Variants in BNIP5 observed in about 807,000 individuals in gnomAD.
The protein encoded by BNIP5 is BCL2 interacting protein 5.
BNIP5 carries 61 observed loss-of-function variants against 67.3 expected under a neutral mutation model. The ratio of observed to expected loss-of-function variants is 0.91; its 90% CI spans 0.74 to 1.12. The LOEUF (loss-of-function observed/expected upper bound fraction) is 1.12, where lower values mean the gene tolerates loss of function less well. BNIP5 is among the 50% of genes most tolerant of loss of function. BNIP5 has a pLI of 0.00. For missense variants in BNIP5, 826 were observed against 816.3 expected (o/e 1.01, Z -0.14); for synonymous variants, 317 against 319.0 (o/e 0.99, Z 0.07).
Position 36,330,430 on chromosome 6 carries a change from G to T in BNIP5, c.261C>A (p.Ser87Arg), listed in dbSNP as rs143595135. The change falls in exon 2 of 12, where the codon AGC becomes AGA. Residue 87 changes from serine to arginine, a missense_variant. Physicochemically the swap from Ser to Arg is moderately radical, Grantham distance 110 (BLOSUM62 -1). Coordinates refer to ENST00000437635, the MANE Select transcript of BNIP5 (RefSeq NM_001010903.5). ...TGGTGTCTTGCGAAGGCCTCTGCTC[G>T]CTGGGGAGAAAATCTCCGGTCTCCT... ...TPEETGDFLP[S>R]EQRPSQDTKK... The T allele has an allele frequency of 1.9e-6, 3 of 1,614,146 alleles. No individual in the cohort carries two copies. The highest frequency in any genetic ancestry group is 2.2e-5 in the East Asian group (1 of 44,878).
In BNIP5 at chr6:36,330,467, GC is replaced by G. The variant is rs756660393; in HGVS notation, c.223del (p.Ala75ProfsTer26). 4 of 1,614,204 alleles carry G rather than the reference GC, an allele frequency of 2.5e-6. No individual in the cohort carries two copies. The African/African-American group carries it at 5.3e-5, about 22-fold the overall frequency. On this transcript the variant is annotated frameshift_variant, in exon 2 of 12. Transcript: ENST00000437635. LOFTEE classifies it high-confidence loss of function. Reference sequence around the variant, plus strand: ...ATCTCCGGTCTCCTCGGGAGTGGGGGCTGCAGCGGTGGTGCAGTGAGCCTCT... The same window carrying G: ...ATCTCCGGTCTCCTCGGGAGTGGGGGTGCAGCGGTGGTGCAGTGAGCCTCT... ...SAEAHCTTAA[A>X]PTPEETGDFL...
At chr6:36,323,824 A>T (rs1422644224) in intron 7 of BNIP5, among the ~76,000 whole-genome samples, 1 of 151,726 alleles carries the variant, frequency 6.6e-6, no homozygotes, top group South Asian at 2.1e-4. Flanking sequence ...ATATGGTAAA[A>T]CCCTGTCTCT....
At chr6:36,331,269 T>C (rs894122178) in intron 1 of BNIP5, among the ~76,000 whole-genome samples, 3 of 152,208 alleles carry the variant, frequency 2.0e-5, no homozygotes, top group Non-Finnish European at 4.4e-5. Flanking sequence ...ACAGGAAGAT[T>C]GTGCTCAGAT....
intron 1 of BNIP5, among the ~76,000 whole-genome samples, chr6:36,331,198 C>T (rs1771898151): frequency 1.3e-5 from 2 of 152,132 alleles, no homozygotes; most frequent in South Asian, 2.1e-4. Flanking sequence ...GTGCAAATTC[C>T]CCCAAAACCC....
In BNIP5 at chr6:36,323,248, C is replaced by T. The variant is rs755947551; in HGVS notation, c.1471+45G>A. 16 of 1,610,932 alleles carry T rather than the reference C, an allele frequency of 9.9e-6. No individual in the cohort carries two copies. In the South Asian group the frequency reaches 1.8e-4, roughly 18 times the overall value. On this transcript the variant is annotated intron_variant, in intron 8 of 11. Transcript: ENST00000437635. ...CAGACAGGCCACACAGCAGCCTTGC[C>T]CAAGAGGAAGCCTCTGTTACCATGG...
rs760303164 is a variant in BNIP5, at chr6:36,330,701, C to A, written c.-4-7G>T. The A allele has an allele frequency of 4.5e-6, 7 of 1,538,916 alleles. No individual in the cohort carries two copies. Among genetic ancestry groups the A allele is most frequent in the African/African-American group, 1.4e-5 (1 of 72,082 alleles). Reference sequence around the variant, plus strand: ...CCTTGGATTCTCCATCGGGCTGCAACCAAAACACACAGCTCCCTTAGTTTT... The same window carrying A: ...CCTTGGATTCTCCATCGGGCTGCAAACAAAACACACAGCTCCCTTAGTTTT... On this transcript the variant is annotated splice_polypyrimidine_tract_variant and splice_region_variant and intron_variant, in intron 1 of 11. Transcript: ENST00000437635.
rs185448766 is a variant in BNIP5, at chr6:36,327,507, G to A, written c.728-413C>T. 3.2e-3 allele frequency among the ~76,000 whole-genome samples: 491 copies of A among 152,332 alleles called. 3 individuals are homozygous for A. Among genetic ancestry groups the A allele is most frequent in the African/African-American group, 0.011 (463 of 41,568 alleles). Reference sequence around the variant, plus strand: ...TCAGAAAGCTGTCAAATGAGGGACTGGGCTTGAGAGCACTTTGCAAGGCTA... The same window carrying A: ...TCAGAAAGCTGTCAAATGAGGGACTAGGCTTGAGAGCACTTTGCAAGGCTA... On this transcript the variant is annotated intron_variant, in intron 3 of 11. Transcript: ENST00000437635.
chr6:36,316,796 G>C lies in BNIP5; in HGVS notation c.*560C>G, dbSNP rs1771524083. ...GATTCTGAGAGACCAAGTGTCCCCA[G>C]TCTCTAGGTTTTTCCATCTTGGGCC... On this transcript the variant is annotated 3_prime_UTR_variant, in exon 12 of 12. Transcript: ENST00000437635. The C allele has an allele frequency of 2.5e-6, 1 of 399,498 alleles. No homozygotes were observed. The highest frequency in any genetic ancestry group is 2.1e-5 in the African/African-American group (1 of 48,644). 24.7% of individuals were successfully genotyped at this position (399,498 alleles called of 1,614,324 possible). A position where few individuals can be genotyped will look rare whatever the true frequency, so the allele number is the denominator to read the frequency against.
chr6:36,327,193 C>T, intron 3 of BNIP5, 99 bp from the exon 4 acceptor site: 2 of 1,063,914 alleles, frequency 1.9e-6, no homozygotes, highest in South Asian at 2.7e-5. Flanking sequence ...ACTCTTTAGG[C>T]CACACAATGG....
chr6:36,330,803 G>A lies in BNIP5; in HGVS notation c.-4-109C>T, dbSNP rs1186664770. 41 of 1,393,476 alleles carry A rather than the reference G, an allele frequency of 2.9e-5. No homozygotes were observed. The East Asian group carries it at 5.0e-4, about 17-fold the overall frequency. The allele number at this position is 1,393,476 out of a possible 1,614,324, so 86.3% of individuals were successfully genotyped here. A position where few individuals can be genotyped will look rare whatever the true frequency, so the allele number is the denominator to read the frequency against. On this transcript the variant is annotated intron_variant, in intron 1 of 11. Transcript: ENST00000437635. ...TTTTATGACGGAGCCTCGGTCTATT[G>A]CCCAGGCTGGAGTGCAGTGGCGCTA...
chr6:36,317,401 G>A lies in BNIP5; in HGVS notation c.1924-10C>T, dbSNP rs568176839. 6.5e-5 allele frequency: 105 copies of A among 1,611,324 alleles called. 2 individuals carry two copies. In the South Asian group the frequency reaches 1.1e-3, roughly 16 times the overall value. The stretch of plus-strand genomic sequence containing the variant: ...TAGGACTTGTGATGTTCTGGGAAGA[G>A]AAAAAGAACATAGGTGTTAGCCACA... On this transcript the variant is annotated splice_polypyrimidine_tract_variant and intron_variant, in intron 11 of 11. Transcript: ENST00000437635.
At position 36,330,288 on chromosome 6, in the gene BNIP5, G is replaced by C; in HGVS notation, c.403C>G (p.Pro135Ala). 1.2e-6 allele frequency: 2 copies of C among 1,614,194 alleles called. No homozygotes were observed. Among genetic ancestry groups the C allele is most frequent in the Non-Finnish European group, 1.7e-6 (2 of 1,180,032 alleles). Reference sequence around the variant, plus strand: ...GCTGGCTCCCCTGCTGCTTCCAGGGGCTCCGGATGCTGGGAGATACCCTCC... The same window carrying C: ...GCTGGCTCCCCTGCTGCTTCCAGGGCCTCCGGATGCTGGGAGATACCCTCC... ...GKEGISQHPE[P>A]LEAAGEPALR... Residue 135 changes from proline to alanine, a missense_variant, in exon 2 of 12, where the codon CCC becomes GCC. Physicochemically the swap from Pro to Ala is conservative, Grantham distance 27. Transcript: ENST00000437635.
intron 2 of BNIP5, among the ~76,000 whole-genome samples, chr6:36,329,812 GA>G: frequency 1.4e-5 from 2 of 140,118 alleles, no homozygotes; most frequent in Middle Eastern, 7.4e-3. Context: ...ATCTCAAAAA[GA>G]AAAAAGAAAG....
intron 1 of BNIP5, among the ~76,000 whole-genome samples, chr6:36,331,137 C>A (rs866993668): frequency 6.6e-6 from 1 of 152,362 alleles, no homozygotes; most frequent in South Asian, 2.1e-4. Flanking sequence ...GGCCCATTCA[C>A]CCTGCCCACT....
chr6:36,326,254 G>T (rs978480636), intron 5 of BNIP5, among the ~76,000 whole-genome samples: 10 of 152,214 alleles, frequency 6.6e-5, no homozygotes, highest in African/African-American at 2.4e-4. Context: ...AATGTTGACG[G>T]TTGGGAAATC....
chr6:36,326,608 G>GC lies in BNIP5; in HGVS notation c.937dup (p.Ala313GlyfsTer39), dbSNP rs780492613. The GC allele has an allele frequency of 2.5e-6, 4 of 1,614,130 alleles. No homozygotes were observed. In the African/African-American group the frequency reaches 4.0e-5, roughly 16 times the overall value. On this transcript the variant is annotated frameshift_variant, in exon 5 of 12. Coordinates refer to ENST00000437635, the MANE Select transcript of BNIP5 (RefSeq NM_001010903.5). LOFTEE classifies it high-confidence loss of function. ...GGCCTCTGGACTGGAAACATCTGCAGCCCCCCTCTTGGCCTCCTCGGAGCC... is the reference window on the plus strand; with the variant it reads ...GGCCTCTGGACTGGAAACATCTGCAGCCCCCCCTCTTGGCCTCCTCGGAGCC...
At position 36,316,787 on chromosome 6, in the gene BNIP5, G is replaced by A. The variant is rs965463159; in HGVS notation, c.*569C>T. On this transcript the variant is annotated 3_prime_UTR_variant, in exon 12 of 12. Transcript: ENST00000437635. ...GGTTAGAAGGATTCTGAGAGACCAA[G>A]TGTCCCCAGTCTCTAGGTTTTTCCA... 1 of 399,374 alleles carries A rather than the reference G, an allele frequency of 2.5e-6. No homozygotes were observed. Among genetic ancestry groups the A allele is most frequent in the African/African-American group, 2.1e-5 (1 of 48,624 alleles). 24.7% of individuals were successfully genotyped at this position (399,374 alleles called of 1,614,324 possible).
At chr6:36,323,710 G>A (rs1490000677) in intron 7 of BNIP5, among the ~76,000 whole-genome samples, 177 bp from the exon 8 acceptor site, 1 of 152,140 alleles carries the variant, frequency 6.6e-6, no homozygotes, top group African/African-American at 2.4e-5. Flanking sequence ...TCAAGAAGGA[G>A]GGACTGGGTC....
intron 8 of BNIP5, among the ~76,000 whole-genome samples, chr6:36,322,917 A>T (rs1771668127): frequency 6.6e-6 from 1 of 152,222 alleles, no homozygotes; most frequent in Admixed American, 6.5e-5. Flanking sequence ...TGTAGTGAAA[A>T]AACAGGCCCA....
Sources: allele counts gnomAD v4.1 joint callset (sites outside exome capture counted in the v4.1 genomes callset), GRCh38; gene constraint gnomAD v4.1.1; transcripts MANE v1.5; gene names NCBI Gene and HGNC (gene_info 2026-07-23, HGNC 2026-07-21).